Variants in CNBD2 observed in about 807,000 individuals in gnomAD.
CNBD2 encodes the protein cyclic nucleotide-binding domain-containing protein 2.
Under a neutral mutation model 63.7 loss-of-function variants are expected in CNBD2, and 64 were observed. The observed-to-expected ratio is 1.00, with a 90% CI of 0.82 to 1.24. The LOEUF is 1.24. Ranked by LOEUF, CNBD2 falls within the 50% of genes most tolerant of loss-of-function variation. The probability of loss-of-function intolerance (pLI) is 0.00; values close to 1 mark genes in which losing one functional copy is unlikely to be tolerated. For missense variants in CNBD2, 691 were observed against 713.5 expected (o/e 0.97, Z 0.36); for synonymous variants, 229 against 255.4 (o/e 0.90, Z 0.99).
intron 7 of CNBD2, among the ~76,000 whole-genome samples, chr20:35,989,459 C>T (rs1315616565): frequency 6.6e-6 from 1 of 152,104 alleles, no homozygotes; most frequent in African/African-American, 2.4e-5. Context: ...GCAAACTCTG[C>T]AAGTTACAAG....
chr20:35,956,881 G>A (rs1357726397), downstream of CNBD2, among the ~76,000 whole-genome samples: 1 of 152,246 alleles, frequency 6.6e-6, no homozygotes, highest in Non-Finnish European at 1.5e-5. Flanking sequence ...CACATAGTGA[G>A]TAGGAGCAAA....
intron 10 of CNBD2, among the ~76,000 whole-genome samples, chr20:36,011,681 T>C (rs571445718): frequency 1.3e-5 from 2 of 152,294 alleles, no homozygotes; most frequent in African/African-American, 4.8e-5. Flanking sequence ...GTATACAGAT[T>C]GGGAAGTAAG....
intron 9 of CNBD2, among the ~76,000 whole-genome samples, chr20:36,008,739 G>T (rs541982246): frequency 9.9e-5 from 15 of 152,120 alleles, no homozygotes; most frequent in Non-Finnish European, 1.8e-4. Flanking sequence ...AAGGAAGAAG[G>T]GGCTGGACAT....
At chr20:35,954,757 A>G in exon 1 of CNBD2, 3 of 595,476 alleles carry the variant, frequency 5.0e-6, no homozygotes, top group Admixed American at 3.8e-5. Flanking sequence ...TTTGCAGGTG[A>G]CCTTTGCGTG....
At chr20:35,970,533 A>G (rs931163988) in intron 1 of CNBD2, among the ~76,000 whole-genome samples, 3 of 151,966 alleles carry the variant, frequency 2.0e-5, no homozygotes, top group African/African-American at 7.3e-5. Flanking sequence ...AGTAGCTGGG[A>G]TTACAGGCGC....
At chr20:36,023,840 A>G in intron 11 of CNBD2, 69 bp downstream of exon 11, 1 of 1,383,466 alleles carries the variant, frequency 7.2e-7, no homozygotes. Flanking sequence ...TATTTTAGTA[A>G]AAGAAGGAAA....
intron 10 of CNBD2, 73 bp from the exon 11 acceptor site, chr20:36,023,528 GA>G (rs11477706): frequency 0.21 from 277,442 of 1,308,842 alleles, 41,516 homozygotes; most frequent in African/African-American, 0.73. Context: ...AAAAATAAAA[GA>G]AAAAAAAGAA....
chr20:35,958,096 C>CT (rs2056274294), downstream of CNBD2, among the ~76,000 whole-genome samples: 1 of 152,148 alleles, frequency 6.6e-6, no homozygotes, highest in Non-Finnish European at 1.5e-5. Context: ...TACTTATTTT[C>CT]TTTTTTATCA....
At chr20:35,993,539 TA>T (rs1457757759) in intron 7 of CNBD2, among the ~76,000 whole-genome samples, 2 of 152,126 alleles carry the variant, frequency 1.3e-5, no homozygotes, top group Non-Finnish European at 2.9e-5. Context: ...TGAAAAGAGG[TA>T]TTTGATATAT....
At chr20:36,006,722 T>C (rs1243544207) in intron 8 of CNBD2, among the ~76,000 whole-genome samples, 5 of 152,194 alleles carry the variant, frequency 3.3e-5, no homozygotes, top group Non-Finnish European at 5.9e-5. Context: ...CTGGCCATAG[T>C]TCCATGACAA....
At chr20:35,978,996 T>C (rs1041980972) in intron 3 of CNBD2, among the ~76,000 whole-genome samples, 4 of 152,076 alleles carry the variant, frequency 2.6e-5, no homozygotes, top group African/African-American at 9.7e-5. Flanking sequence ...CTAAGAAAAA[T>C]AGAGGAAGTT....
At chr20:35,959,333 A>G (rs191837894), downstream of CNBD2, 16 of 152,270 alleles carry the variant, frequency 1.1e-4, no homozygotes, top group Admixed American at 6.5e-4. Context: ...TTATTAGTGT[A>G]TTAGTCTGTT....
intron 8 of CNBD2, 110 bp from the exon 9 acceptor site, chr20:36,008,187 A>G (rs2057009801): frequency 3.6e-6 from 3 of 833,774 alleles, no homozygotes; most frequent in Non-Finnish European, 5.5e-6. Flanking sequence ...AAATTTCCCC[A>G]TGTGCTAGAC....
chr20:35,997,147 T>C (rs1216195101), intron 8 of CNBD2, among the ~76,000 whole-genome samples: 1 of 152,166 alleles, frequency 6.6e-6, no homozygotes, highest in Non-Finnish European at 1.5e-5. Context: ...TCTTTTTGTG[T>C]CACCCACTTG....
chr20:36,011,410 G>T (rs1022316565), intron 10 of CNBD2, among the ~76,000 whole-genome samples, 153 bp downstream of exon 10: 2 of 152,198 alleles, frequency 1.3e-5, no homozygotes, highest in African/African-American at 4.8e-5. Context: ...GAATAGGCCG[G>T]GCGCGGTGGC....
At chr20:36,000,738 T>C (rs2056885438) in intron 8 of CNBD2, among the ~76,000 whole-genome samples, 1 of 150,546 alleles carries the variant, frequency 6.6e-6, no homozygotes, top group South Asian at 2.1e-4. Flanking sequence ...TTTTTTTTTT[T>C]CATTTGTGTA....
intron 10 of CNBD2, among the ~76,000 whole-genome samples, chr20:36,022,217 T>TTTG (rs561441076): frequency 1.0e-4 from 11 of 107,160 alleles, no homozygotes; most frequent in African/African-American, 2.0e-4. Flanking sequence ...TTTTTTTTTT[T>TTTG]GAGATGGAGT....
At chr20:35,991,185 A>C in intron 7 of CNBD2, among the ~76,000 whole-genome samples, 1 of 152,244 alleles carries the variant, frequency 6.6e-6, no homozygotes, top group Non-Finnish European at 1.5e-5. Context: ...TTGCAACTAT[A>C]AACTGGCCAT....
chr20:35,965,180 TCTC>T (rs2056336002), upstream of CNBD2, among the ~76,000 whole-genome samples: 1 of 147,938 alleles, frequency 6.8e-6, no homozygotes, highest in Admixed American at 6.8e-5. Flanking sequence ...TCTCCCTCTC[TCTC>T]TTTTTTTTTT....
Sources: gnomAD v4.1 joint callset for allele counts (sites outside exome capture counted in the v4.1 genomes callset) on GRCh38, gnomAD v4.1.1 for gene constraint, MANE v1.5 for transcripts, NCBI Gene and HGNC (gene_info 2026-07-23, HGNC 2026-07-21) for gene names.